Variants in ALK observed in about 807,000 individuals in gnomAD.
ALK encodes ALK receptor tyrosine kinase.
ALK carries 74 observed loss-of-function variants against 163.1 expected under a neutral mutation model. The ratio of observed to expected loss-of-function variants is 0.45; its 90% CI spans 0.38 to 0.55. ALK has a LOEUF of 0.55. Ranked by LOEUF, ALK falls within the 20% of genes least tolerant of loss-of-function variation. ALK has a pLI of 0.00. For missense variants in ALK, 2,063 were observed against 2,105.3 expected (o/e 0.98, Z 0.39); for synonymous variants, 960 against 843.2 (o/e 1.14, Z -2.40).
intron 1 of ALK, among the ~76,000 whole-genome samples, chr2:29,902,727 T>C (rs4666289): frequency 0.68 from 103,140 of 152,078 alleles, 35,141 homozygotes; most frequent in East Asian, 0.78. Flanking sequence ...CCACCTGGAA[T>C]GCTATTCCTC....
intron 7 of ALK, among the ~76,000 whole-genome samples, chr2:29,318,787 C>T (rs970132758): frequency 1.3e-5 from 2 of 152,074 alleles, no homozygotes; most frequent in Non-Finnish European, 2.9e-5. Context: ...AGGATAGTCT[C>T]GATCTCCTGA....
intron 26 of ALK, among the ~76,000 whole-genome samples, chr2:29,200,760 T>TACGTATATATGTATATATAC (rs1553389059): frequency 7.6e-5 from 8 of 104,966 alleles, no homozygotes; most frequent in South Asian, 2.5e-4. Context: ...TACGTATATA[T>TACGTATATATGTATATATAC]GTATATATAT....
At chr2:29,854,823 C>T (rs1666096628) in intron 1 of ALK, among the ~76,000 whole-genome samples, 1 of 152,180 alleles carries the variant, frequency 6.6e-6, no homozygotes, top group Non-Finnish European at 1.5e-5. Flanking sequence ...CAGCAATGTT[C>T]TAAATACTTT....
At chr2:29,315,784 T>C (rs1406075578) in intron 8 of ALK, among the ~76,000 whole-genome samples, 1 of 152,276 alleles carries the variant, frequency 6.6e-6, no homozygotes, top group East Asian at 1.9e-4. Flanking sequence ...CACTGATGAT[T>C]GTGGTGTCTT....
chr2:29,378,486 G>A (rs1056375280), intron 5 of ALK, among the ~76,000 whole-genome samples: 1 of 152,138 alleles, frequency 6.6e-6, no homozygotes, highest in African/African-American at 2.4e-5. Context: ...TGACTTTGAG[G>A]AAATTACTTA....
chr2:29,475,038 G>A (rs1671473687), intron 4 of ALK, among the ~76,000 whole-genome samples: 1 of 152,064 alleles, frequency 6.6e-6, no homozygotes. Context: ...TGTACCCCCT[G>A]CTCCTGCATT....
intron 1 of ALK, among the ~76,000 whole-genome samples, chr2:29,828,247 A>G (rs1665255940): frequency 6.6e-6 from 1 of 152,232 alleles, no homozygotes; most frequent in African/African-American, 2.4e-5. Flanking sequence ...CATTCAGGAC[A>G]TAGGCATGGG....
chr2:29,628,136 T>C (rs1035270920), intron 3 of ALK, among the ~76,000 whole-genome samples: 1 of 152,216 alleles, frequency 6.6e-6, no homozygotes, highest in African/African-American at 2.4e-5. Flanking sequence ...CATTAAGCTA[T>C]AATCTTTTCC....
chr2:29,775,995 T>C (rs928937766), intron 1 of ALK, among the ~76,000 whole-genome samples: 1 of 152,186 alleles, frequency 6.6e-6, no homozygotes, highest in Non-Finnish European at 1.5e-5. Context: ...AAGGCAGTGA[T>C]GGAGAGAGAC....
intron 6 of ALK, among the ~76,000 whole-genome samples, chr2:29,322,268 C>G (rs1667081043): frequency 6.6e-6 from 1 of 152,204 alleles, no homozygotes; most frequent in Non-Finnish European, 1.5e-5. Context: ...CTCATTTCCC[C>G]CAGATTCTCT....
At chr2:29,581,886 G>C (rs1250537865) in intron 3 of ALK, among the ~76,000 whole-genome samples, 2 of 152,234 alleles carry the variant, frequency 1.3e-5, no homozygotes, top group Admixed American at 6.5e-5. Flanking sequence ...CTTAGGCAGA[G>C]AGAAACATGT....
At chr2:29,340,823 G>A (rs999189054) in intron 5 of ALK, among the ~76,000 whole-genome samples, 2 of 152,088 alleles carry the variant, frequency 1.3e-5, no homozygotes, top group African/African-American at 4.8e-5. Flanking sequence ...GCCTTCCCTG[G>A]TGGCTTTATC....
intron 1 of ALK, among the ~76,000 whole-genome samples, chr2:29,851,369 T>A (rs933151486): frequency 6.6e-6 from 1 of 152,218 alleles, no homozygotes. Flanking sequence ...CACACTGGAC[T>A]CATTTCAATT....
intron 26 of ALK, among the ~76,000 whole-genome samples, chr2:29,200,648 T>G (rs1382291926): frequency 8.6e-5 from 13 of 150,966 alleles, no homozygotes; most frequent in Admixed American, 8.6e-4. Context: ...TCATCACCTA[T>G]AAGCCTGCCC....
intron 1 of ALK, among the ~76,000 whole-genome samples, chr2:29,787,844 G>A (rs1664079816): frequency 6.7e-6 from 1 of 149,106 alleles, no homozygotes; most frequent in Non-Finnish European, 1.5e-5. Context: ...AAGAAGAATG[G>A]AATCAAAATC....
intron 1 of ALK, among the ~76,000 whole-genome samples, chr2:29,878,354 G>A (rs979599598): frequency 1.3e-5 from 2 of 152,188 alleles, no homozygotes; most frequent in African/African-American, 4.8e-5. Flanking sequence ...AGCCAAGCCT[G>A]TATTAAGTAC....
intron 1 of ALK, among the ~76,000 whole-genome samples, chr2:29,770,209 C>G (rs1167889173): frequency 6.6e-6 from 1 of 152,210 alleles, no homozygotes; most frequent in South Asian, 2.1e-4. Flanking sequence ...TCCAAAATGC[C>G]GAGATCTCCA....
At chr2:29,768,345 A>G (rs2148342217) in intron 1 of ALK, among the ~76,000 whole-genome samples, 1 of 152,344 alleles carries the variant, frequency 6.6e-6, no homozygotes, top group East Asian at 1.9e-4. Context: ...GCTTTTTGAG[A>G]AATAAACCTC....
In ALK at chr2:29,506,345, C is replaced by G. The variant is rs192186970; in HGVS notation, c.1154+25570G>C. 1.0e-3 allele frequency among the ~76,000 whole-genome samples: 156 copies of G among 152,242 alleles called. 1 individual carries two copies. The highest frequency in any genetic ancestry group is 3.4e-3 in the African/African-American group (142 of 41,542). On this transcript the variant is annotated intron_variant, in intron 4 of 28. Coordinates refer to ENST00000389048, the MANE Select transcript of ALK (RefSeq NM_004304.5). The stretch of plus-strand genomic sequence containing the variant: ...AGCCAAGGAGCATAGAATATGATCT[C>G]TAGTGGGGTAATAGAAGGCGATTAG...
Sources: allele counts gnomAD v4.1 joint callset (sites outside exome capture counted in the v4.1 genomes callset), GRCh38; gene constraint gnomAD v4.1.1; transcripts MANE v1.5; gene names NCBI Gene and HGNC (gene_info 2026-07-23, HGNC 2026-07-21).